MYH10: variants seen among roughly 807,000 people sequenced by gnomAD.
MYH10 encodes the protein myosin heavy chain 10, also known as myosin-10.
Under a neutral mutation model 257.8 loss-of-function variants are expected in MYH10, and 55 were observed. The ratio of observed to expected loss-of-function variants is 0.21; its 90% confidence interval spans 0.17 to 0.27. MYH10 has a LOEUF of 0.27. Among genes scored for constraint, MYH10 ranks in the 10% least tolerant of loss-of-function variants. The pLI is 1.00. For missense variants in MYH10, 1,631 were observed against 2,500.6 expected (o/e 0.65, Z 7.42); for synonymous variants, 854 against 921.7 (o/e 0.93, Z 1.33).
chr17:8,587,059 T>C (rs1190832134), intron 4 of MYH10, among the ~76,000 whole-genome samples: 1 of 152,202 alleles, frequency 6.6e-6, no homozygotes, highest in Non-Finnish European at 1.5e-5. Flanking sequence ...CTTGCCCTCT[T>C]GCTGCTGTTG....
At position 8,535,311 on chromosome 17, in the gene MYH10, G is replaced by T; in HGVS notation, c.1894+76C>A. 1 of 1,107,628 alleles carries T rather than the reference G, an allele frequency of 9.0e-7. No individual in the cohort carries two copies. Among genetic ancestry groups the T allele is most frequent in the South Asian group, 1.5e-5 (1 of 65,304 alleles). 68.6% of individuals were successfully genotyped at this position (1,107,628 alleles called of 1,614,324 possible). On this transcript the variant is annotated intron_variant, in intron 16 of 42. Transcript: ENST00000360416. This position sits in a 1 kb window ranked among gnomAD's most constrained non-coding sequence, Gnocchi z 4.3. ...AGAAGTTATATGTATCCATATATATGTAAAAGAACCATCTATAAACCTTAA... is the reference window on the plus strand; with the variant it reads ...AGAAGTTATATGTATCCATATATATTTAAAAGAACCATCTATAAACCTTAA...
intron 2 of MYH10, among the ~76,000 whole-genome samples, chr17:8,620,627 T>C (rs972564972): frequency 1.3e-5 from 2 of 152,230 alleles, no homozygotes; most frequent in African/African-American, 4.8e-5. Flanking sequence ...TTCTAGTATC[T>C]ATATTATTGA....
chr17:8,486,200 C>T (rs1914735999), intron 36 of MYH10, among the ~76,000 whole-genome samples: 1 of 152,124 alleles, frequency 6.6e-6, no homozygotes, highest in Admixed American at 6.6e-5. Context: ...GGAGTGACAG[C>T]TAATGGGTGG....
intron 14 of MYH10, among the ~76,000 whole-genome samples, chr17:8,540,305 C>T (rs565081208): frequency 6.6e-6 from 1 of 152,184 alleles, no homozygotes; most frequent in South Asian, 2.1e-4. Flanking sequence ...TTCTACCTCA[C>T]CTATTTTTGC....
chr17:8,550,297 G>C (rs943140559), intron 9 of MYH10, among the ~76,000 whole-genome samples: 15 of 151,868 alleles, frequency 9.9e-5, no homozygotes, highest in Admixed American at 1.3e-4. Flanking sequence ...GTCTCTGCCC[G>C]GCCGCCCATC....
chr17:8,481,385 C>T lies in MYH10; in HGVS notation c.5201G>A (p.Arg1734His), dbSNP rs769105110. 9.3e-6 allele frequency: 15 copies of T among 1,614,026 alleles called. No individual in the cohort carries two copies. Among genetic ancestry groups the T allele is most frequent in the Non-Finnish European group, 1.2e-5 (14 of 1,180,010 alleles). The change falls in exon 38 of 43, where the codon CGC becomes CAC. Residue 1734 changes from arginine to histidine, a missense_variant. Arg to His is a conservative substitution (Grantham distance 29). Around this residue, in one of 11 missense-constraint regions of MYH10, gnomAD observed 343 missense variants for 389.5 expected, o/e 0.88. Coordinates refer to ENST00000360416, the MANE Select transcript of MYH10 (RefSeq NM_001256012.3). ...ATCTCTCTCCTGCTCGGCGTGTCGG[C>T]GGGCTCGCTCAGATGAGGCAAGTTC... Reference protein sequence around the residue: ...QEELASSERARRHAEQERDEL... With the variant: ...QEELASSERAHRHAEQERDEL...
chr17:8,541,222 T>C (rs1209062766), intron 14 of MYH10, among the ~76,000 whole-genome samples: 1 of 152,152 alleles, frequency 6.6e-6, no homozygotes, highest in Non-Finnish European at 1.5e-5. Flanking sequence ...AGAACACAAG[T>C]GGCAACCAGA....
At chr17:8,536,905 G>A (rs946525313) in intron 14 of MYH10, among the ~76,000 whole-genome samples, 1 of 152,160 alleles carries the variant, frequency 6.6e-6, no homozygotes, top group Non-Finnish European at 1.5e-5. Flanking sequence ...TGGGTATGAG[G>A]TTTCTTTCTG....
At chr17:8,524,211 C>T (rs1053999277) in intron 17 of MYH10, among the ~76,000 whole-genome samples, 1 of 151,880 alleles carries the variant, frequency 6.6e-6, no homozygotes, top group Admixed American at 6.6e-5. Context: ...GAGGCCGAGG[C>T]AGGAGGATCA....
intron 28 of MYH10, among the ~76,000 whole-genome samples, chr17:8,503,073 G>A (rs549441515): frequency 1.3e-5 from 2 of 152,230 alleles, no homozygotes; most frequent in East Asian, 1.9e-4. Context: ...ACCTGAGGTC[G>A]GGAGTTTGCG....
chr17:8,508,031 A>G (rs1027870051), intron 26 of MYH10, among the ~76,000 whole-genome samples: 3 of 152,162 alleles, frequency 2.0e-5, no homozygotes, highest in Non-Finnish European at 4.4e-5. Context: ...GCAACACAAA[A>G]TAATCTTAAG....
chr17:8,611,716 G>T (rs112190001), intron 2 of MYH10, among the ~76,000 whole-genome samples: 3 of 152,288 alleles, frequency 2.0e-5, no homozygotes, highest in Admixed American at 6.5e-5. Flanking sequence ...GATCCATGGG[G>T]GAAAAACAAG....
intron 1 of MYH10, among the ~76,000 whole-genome samples, chr17:8,628,726 T>C (rs2085776811): frequency 1.3e-5 from 2 of 152,212 alleles, no homozygotes; most frequent in Non-Finnish European, 2.9e-5. Flanking sequence ...GTGTTTAATA[T>C]TTCCAAAACT....
chr17:8,630,516 C>G, intron 1 of MYH10, 138 bp downstream of exon 1: 1 of 154,284 alleles, frequency 6.5e-6, no homozygotes, highest in Non-Finnish European at 1.4e-5. Context: ...CTCTGTCTTC[C>G]CCAGCTCCCG....
Position 8,499,284 on chromosome 17 carries a change from C to T in MYH10, c.3937G>A (p.Ala1313Thr), listed in dbSNP as rs1268538795. The T allele has an allele frequency of 6.2e-7, 1 of 1,613,556 alleles. No homozygotes were observed. Among genetic ancestry groups the T allele is most frequent in the African/African-American group, 1.3e-5 (1 of 74,890 alleles). Reference sequence around the variant, plus strand: ...TTCTGGCTTACCTGCAGCTTACTTGCTTTCTCCGCCAGCTCCACCCTGAGC... The same window carrying T: ...TTCTGGCTTACCTGCAGCTTACTTGTTTTCTCCGCCAGCTCCACCCTGAGC... Reference protein sequence around the residue: ...DRLRVELAEKASKLQNELDNV... With the variant: ...DRLRVELAEKTSKLQNELDNV... The change falls in exon 30 of 43, where the codon GCA becomes ACA. Residue 1313 changes from alanine (A) to threonine (T), a missense_variant. Physicochemically the swap from Ala to Thr is moderately conservative, Grantham distance 58. Transcript: ENST00000360416.
chr17:8,563,522 G>T lies in MYH10; in HGVS notation c.756+6198C>A, dbSNP rs2083062968. On this transcript the variant is annotated intron_variant, in intron 7 of 42. Coordinates refer to ENST00000360416, the MANE Select transcript of MYH10 (RefSeq NM_001256012.3). ...AGTCCAGGAGGCTGTATTGTTGGGG[G>T]TGCTCCTAGAGCTTGATACTAAATG... Among the ~76,000 whole-genome samples the T allele has an allele frequency of 3.3e-5, 5 of 152,316 alleles. No individual in the cohort carries two copies. The South Asian group carries it at 1.0e-3, about 32-fold the overall frequency.
intron 31 of MYH10, 111 bp from the exon 32 acceptor site, chr17:8,493,996 A>T (rs1916174313): frequency 8.2e-7 from 1 of 1,213,352 alleles, no homozygotes; most frequent in Non-Finnish European, 1.1e-6. Context: ...ATGCATGAGA[A>T]CGCCCAGTGA....
rs982028219 is a variant in MYH10 at position 8,477,789 on chromosome 17, C to T, written c.5706+549G>A. Among the ~76,000 whole-genome samples, 2 of 152,102 alleles carry T rather than the reference C, an allele frequency of 1.3e-5. No homozygotes were observed. Among genetic ancestry groups the T allele is most frequent in the African/African-American group, 4.8e-5 (2 of 41,428 alleles). Reference sequence around the variant, plus strand: ...GTCTCACCAGGCAGAGGGCAGGGAGCGGGAGGGAGGGTATAGCTGCCCACG... The same window carrying T: ...GTCTCACCAGGCAGAGGGCAGGGAGTGGGAGGGAGGGTATAGCTGCCCACG... On this transcript the variant is annotated intron_variant, in intron 41 of 42. Transcript: ENST00000360416. The surrounding 1 kb of genome is among the most constrained non-coding windows in gnomAD (Gnocchi z 4.2).
intron 27 of MYH10, among the ~76,000 whole-genome samples, chr17:8,505,708 A>T (rs2036028): frequency 0.96 from 146,583 of 152,216 alleles, 70,833 homozygotes; most frequent in East Asian, 1. Flanking sequence ...AGGCTGGGTG[A>T]GGTGGCTCAC....
Sources: allele counts gnomAD v4.1 joint callset (sites outside exome capture counted in the v4.1 genomes callset), GRCh38; gene constraint gnomAD v4.1.1; regional missense constraint gnomAD v4.1.1; non-coding constraint Gnocchi (gnomAD v3.1); transcripts MANE v1.5; gene names NCBI Gene and HGNC (gene_info 2026-07-23, HGNC 2026-07-21).